The following NRXN1 variants were observed in gnomAD, a reference collection of about 807,000 sequenced individuals.
NRXN1 encodes neurexin-1.
NRXN1 carries 39 observed loss-of-function variants against 150.9 expected under a neutral mutation model. The observed-to-expected ratio is 0.26, with a 90% confidence interval of 0.20 to 0.34. The LOEUF is 0.34. Ranked by LOEUF, NRXN1 falls within the 10% of genes least tolerant of loss-of-function variation. The pLI is 1.00. For missense variants in NRXN1, 1,815 were observed against 1,949.9 expected (o/e 0.93, Z 1.30); for synonymous variants, 924 against 757.0 (o/e 1.22, Z -3.62).
intron 5 of NRXN1, among the ~76,000 whole-genome samples, chr2:50,802,268 G>C (rs1055182284): frequency 1.3e-5 from 2 of 152,024 alleles, no homozygotes; most frequent in Non-Finnish European, 2.9e-5. Context: ...GAGGCAGGGG[G>C]ATCACCTGAG....
At chr2:50,629,727 C>T (rs928189018) in intron 5 of NRXN1, among the ~76,000 whole-genome samples, 3 of 151,490 alleles carry the variant, frequency 2.0e-5, no homozygotes, top group Non-Finnish European at 3.0e-5. Context: ...CCTATTAATG[C>T]TACTATTAAT....
At chr2:49,923,833 G>GTTC (rs1668626294) in intron 22 of NRXN1, among the ~76,000 whole-genome samples, 2 of 152,150 alleles carry the variant, frequency 1.3e-5, no homozygotes, top group African/African-American at 4.8e-5. Context: ...AATAAGCTAT[G>GTTC]TTCTGGTGCT....
chr2:50,354,584 T>C (rs1007387523), intron 17 of NRXN1, among the ~76,000 whole-genome samples: 4 of 141,488 alleles, frequency 2.8e-5, no homozygotes, highest in Non-Finnish European at 6.0e-5. Context: ...TATATATATA[T>C]ATACACACAC....
chr2:50,073,223 GC>G (rs1696568566), intron 19 of NRXN1, among the ~76,000 whole-genome samples: 2 of 152,114 alleles, frequency 1.3e-5, no homozygotes, highest in Admixed American at 1.3e-4. Flanking sequence ...ACTATTCCCT[GC>G]ACTTTAGCCA....
chr2:49,941,503 G>C (rs1196638679), intron 22 of NRXN1, among the ~76,000 whole-genome samples: 1 of 151,870 alleles, frequency 6.6e-6, no homozygotes, highest in African/African-American at 2.4e-5. Flanking sequence ...ATGGCTCGAA[G>C]AACTGGATCA....
chr2:50,320,204 T>G (rs2075909578), intron 17 of NRXN1, among the ~76,000 whole-genome samples: 1 of 149,534 alleles, frequency 6.7e-6, no homozygotes, highest in Non-Finnish European at 1.5e-5. Flanking sequence ...AATGATAATA[T>G]TTAAAGCTAT....
intron 9 of NRXN1, among the ~76,000 whole-genome samples, chr2:50,542,968 G>C (rs1163237256): frequency 6.6e-6 from 1 of 152,102 alleles, no homozygotes; most frequent in Non-Finnish European, 1.5e-5. Flanking sequence ...TATAAAATCA[G>C]TGGTTACAAA....
intron 5 of NRXN1, among the ~76,000 whole-genome samples, chr2:50,735,557 T>C (rs746206679): frequency 9.9e-5 from 15 of 152,184 alleles, no homozygotes; most frequent in Non-Finnish European, 1.3e-4. Context: ...TCCCATATCC[T>C]AAGACACTGC....
At chr2:50,811,708 T>C (rs956398893) in intron 5 of NRXN1, among the ~76,000 whole-genome samples, 5 of 152,188 alleles carry the variant, frequency 3.3e-5, no homozygotes, top group African/African-American at 1.2e-4. Flanking sequence ...AAAGCAACTG[T>C]AGTGCCTTGA....
At chr2:50,125,275 T>C (rs982878312) in intron 18 of NRXN1, among the ~76,000 whole-genome samples, 1 of 152,176 alleles carries the variant, frequency 6.6e-6, no homozygotes, top group Non-Finnish European at 1.5e-5. Context: ...AGAAGTAGCA[T>C]TTGAATGTAA....
chr2:50,771,087 T>C (rs540964991), intron 5 of NRXN1, among the ~76,000 whole-genome samples: 3 of 152,172 alleles, frequency 2.0e-5, no homozygotes, highest in East Asian at 1.9e-4. Context: ...TATTCTACTT[T>C]AGAGCTAACT....
At chr2:50,599,377 G>C (rs1003716361) in intron 8 of NRXN1, among the ~76,000 whole-genome samples, 2 of 152,146 alleles carry the variant, frequency 1.3e-5, no homozygotes, top group Non-Finnish European at 2.9e-5. Flanking sequence ...ACTACTTACT[G>C]AAGTAATAAA....
intron 17 of NRXN1, among the ~76,000 whole-genome samples, chr2:50,372,294 C>G (rs755301633): frequency 7.9e-5 from 12 of 152,064 alleles, no homozygotes; most frequent in African/African-American, 1.9e-4. Context: ...GATGTGTTCT[C>G]TCTTTTTGCT....
chr2:50,860,149 T>G (rs968255674), intron 5 of NRXN1, among the ~76,000 whole-genome samples: 2 of 150,144 alleles, frequency 1.3e-5, no homozygotes, highest in African/African-American at 4.9e-5. Context: ...TCTCAATCAA[T>G]CAACAATTAT....
chr2:50,466,809 A>G (rs1470820067), intron 16 of NRXN1, among the ~76,000 whole-genome samples: 1 of 151,854 alleles, frequency 6.6e-6, no homozygotes, highest in African/African-American at 2.4e-5. Context: ...ATGCATTACC[A>G]AAGTGACTGT....
intron 19 of NRXN1, among the ~76,000 whole-genome samples, chr2:50,070,305 A>C (rs967770942): frequency 7.2e-5 from 11 of 152,220 alleles, no homozygotes; most frequent in Non-Finnish European, 1.5e-4. Context: ...ACTTCAAGTC[A>C]ATGGCTGCTC....
At chr2:50,242,064 G>T (rs2152887079) in intron 17 of NRXN1, among the ~76,000 whole-genome samples, 2 of 151,828 alleles carry the variant, frequency 1.3e-5, no homozygotes, top group South Asian at 4.2e-4. Context: ...ATGTCATCTT[G>T]TAGCCAACAC....
At chr2:50,732,954 G>C (rs1253493662) in intron 5 of NRXN1, among the ~76,000 whole-genome samples, 1 of 152,136 alleles carries the variant, frequency 6.6e-6, no homozygotes, top group Non-Finnish European at 1.5e-5. Flanking sequence ...TTTGTGTATT[G>C]TAACAACTAG....
intron 18 of NRXN1, among the ~76,000 whole-genome samples, chr2:50,226,175 A>G (rs930843942): frequency 6.6e-6 from 1 of 151,956 alleles, no homozygotes; most frequent in Non-Finnish European, 1.5e-5. Flanking sequence ...CTACCTGAGT[A>G]TATATTTTTT....
Sources: allele counts gnomAD v4.1 joint callset (sites outside exome capture counted in the v4.1 genomes callset), GRCh38; gene constraint gnomAD v4.1.1; transcripts MANE v1.5; gene names NCBI Gene and HGNC (gene_info 2026-07-23, HGNC 2026-07-21).